The following NCALD variants were observed in gnomAD, a reference collection of about 807,000 sequenced individuals.
The protein encoded by NCALD is neurocalcin-delta.
A neutral mutation model predicts 18.6 loss-of-function variants in NCALD; 10 were observed. The observed-to-expected ratio is 0.54, with a 90% CI of 0.33 to 0.91. The LOEUF (loss-of-function observed/expected upper bound fraction) is 0.91. NCALD is among the 40% of genes least tolerant of loss of function. The pLI, the probability that NCALD is intolerant of heterozygous loss-of-function variation, is 0.03. For missense variants in NCALD, 184 were observed against 247.6 expected, an observed-to-expected ratio of 0.74 and a Z score of 1.72; for synonymous variants, 88 against 87.4, an observed-to-expected ratio of 1.01 and a Z score of -0.04.
chr8:101,794,465 T>C (rs188659627), upstream of NCALD, among the ~76,000 whole-genome samples: 3 of 151,508 alleles, frequency 2.0e-5, no homozygotes, highest in Admixed American at 1.3e-4. Context: ...TGAGTTATCA[T>C]AAACTTTTCT....
chr8:102,008,539 A>C (rs1366136880), intron 2 of NCALD, among the ~76,000 whole-genome samples: 1 of 151,874 alleles, frequency 6.6e-6, no homozygotes, highest in African/African-American at 2.4e-5. Context: ...TAAAAGCAGG[A>C]GATAAAACTC....
chr8:102,122,441 A>G (rs985894978), intron 1 of NCALD, among the ~76,000 whole-genome samples: 1 of 152,216 alleles, frequency 6.6e-6, no homozygotes, highest in African/African-American at 2.4e-5. Context: ...CTGGAGTAAG[A>G]CGGTCCTGAT....
chr8:101,947,695 AT>A (rs1178561436), intron 2 of NCALD, among the ~76,000 whole-genome samples: 1 of 152,138 alleles, frequency 6.6e-6, no homozygotes, highest in Admixed American at 6.5e-5. Context: ...TTTTAATTCC[AT>A]TTTTCCATGA....
chr8:101,964,619 T>A (rs1412861046), intron 2 of NCALD, among the ~76,000 whole-genome samples: 1 of 152,150 alleles, frequency 6.6e-6, no homozygotes, highest in African/African-American at 2.4e-5. Context: ...ACCCAGAGAC[T>A]TACCTGTGTA....
intron 1 of NCALD, among the ~76,000 whole-genome samples, chr8:102,065,877 G>A (rs1367154768): frequency 3.9e-5 from 6 of 152,090 alleles, no homozygotes; most frequent in Non-Finnish European, 4.4e-5. Context: ...CATTTCCAAG[G>A]AGACAAGAGT....
At chr8:101,909,840 A>G (rs1817729614) in intron 3 of NCALD, among the ~76,000 whole-genome samples, 1 of 152,162 alleles carries the variant, frequency 6.6e-6, no homozygotes. Flanking sequence ...AAGAACAGAG[A>G]TTGACATTTC....
chr8:101,909,811 T>TGC (rs199539091), intron 3 of NCALD, among the ~76,000 whole-genome samples: 7,017 of 152,262 alleles, frequency 0.046, 256 homozygotes, highest in African/African-American at 0.1. Context: ...GTAACGCCCC[T>TGC]TAAGGTTATT....
At chr8:101,755,450 A>T (rs1810837159) in intron 1 of NCALD, among the ~76,000 whole-genome samples, 1 of 152,204 alleles carries the variant, frequency 6.6e-6, no homozygotes, top group Non-Finnish European at 1.5e-5. Flanking sequence ...AGATGGATCC[A>T]ACAGCCATCA....
At chr8:102,073,300 CA>C (rs1335715399) in intron 1 of NCALD, among the ~76,000 whole-genome samples, 2 of 151,392 alleles carry the variant, frequency 1.3e-5, no homozygotes, top group African/African-American at 4.9e-5. Flanking sequence ...GACCCCGATT[CA>C]AAAAAATAAA....
At chr8:101,750,852 G>T (rs886339764) in intron 1 of NCALD, among the ~76,000 whole-genome samples, 1 of 152,162 alleles carries the variant, frequency 6.6e-6, no homozygotes, top group African/African-American at 2.4e-5. Context: ...TTGGCCCTGG[G>T]AAATCAGAAC....
intron 3 of NCALD, chr8:101,691,784 G>T: frequency 1.0e-6 from 1 of 985,316 alleles, no homozygotes; most frequent in Non-Finnish European, 1.2e-6. Flanking sequence ...GGAGACAGAG[G>T]CTCTCTGTAC....
chr8:102,084,757 C>T (rs1259899971), intron 1 of NCALD, among the ~76,000 whole-genome samples: 1 of 152,202 alleles, frequency 6.6e-6, no homozygotes, highest in Admixed American at 6.5e-5. Context: ...CTCCGGAGAT[C>T]TTATCAGGAA....
At chr8:101,722,029 A>G (rs1447197282) in intron 1 of NCALD, among the ~76,000 whole-genome samples, 1 of 151,868 alleles carries the variant, frequency 6.6e-6, no homozygotes, top group African/African-American at 2.4e-5. Context: ...TTTTGTAGAG[A>G]TGGGGGTCTC....
chr8:102,049,803 G>A (rs1040640611), intron 1 of NCALD, among the ~76,000 whole-genome samples: 1 of 152,076 alleles, frequency 6.6e-6, no homozygotes, highest in African/African-American at 2.4e-5. Context: ...ATCTTTTCAT[G>A]TTTGCCCTCT....
At chr8:102,095,730 A>G (rs760910606) in intron 1 of NCALD, among the ~76,000 whole-genome samples, 2 of 152,218 alleles carry the variant, frequency 1.3e-5, no homozygotes, top group Non-Finnish European at 2.9e-5. Context: ...AGTGAAAGGT[A>G]TCTGAAGATG....
rs185298198 is a variant in NCALD, at chr8:101,868,300, G to A, written c.-20+18841C>T. On this transcript the variant is annotated intron_variant, in intron 4 of 6. Coordinates refer to the NCALD transcript ENST00000311028. ...CCTGTGCCCACACTGAGCTCGCACT[G>A]ACCTTCTCCTAAACCCTGACAGCCT... Among the ~76,000 whole-genome samples, 1,353 of 152,016 alleles carry A rather than the reference G, an allele frequency of 8.9e-3. 8 individuals carry two copies. The highest frequency in any genetic ancestry group is 0.014 in the Non-Finnish European group (939 of 67,956).
chr8:101,889,702 G>A (rs941977730), intron 3 of NCALD, among the ~76,000 whole-genome samples: 10 of 152,154 alleles, frequency 6.6e-5, no homozygotes, highest in Middle Eastern at 3.4e-3. Flanking sequence ...AATTTATTTC[G>A]AGGCTACCTA....
chr8:101,836,407 C>T (rs940367700), intron 4 of NCALD, among the ~76,000 whole-genome samples: 10 of 152,206 alleles, frequency 6.6e-5, no homozygotes, highest in African/African-American at 1.4e-4. Context: ...CTCACTTACC[C>T]GTCCTGGGCC....
At chr8:101,715,003 C>CAAAAAAAAAAAAAAAAAAAAA (rs1297532566) in intron 2 of NCALD, among the ~76,000 whole-genome samples, 15 of 103,080 alleles carry the variant, frequency 1.5e-4, no homozygotes, top group Admixed American at 5.8e-4. Context: ...GACTCCGTCT[C>CAAAAAAAAAAAAAAAAAAAAA]AAAAAAAAAA....
Sources: allele counts gnomAD v4.1 joint callset (sites outside exome capture counted in the v4.1 genomes callset), GRCh38; gene constraint gnomAD v4.1.1; transcripts MANE v1.5; gene names NCBI Gene and HGNC (gene_info 2026-07-23, HGNC 2026-07-21).